MTHFD1L: variants seen among roughly 807,000 people sequenced by gnomAD.
MTHFD1L encodes the protein methylenetetrahydrofolate dehydrogenase (NADP+ dependent) 1 like.
Under a neutral mutation model 119.5 loss-of-function variants are expected in MTHFD1L, and 81 were observed. The ratio of observed to expected loss-of-function variants is 0.68; its 90% confidence interval spans 0.57 to 0.82. The LOEUF (loss-of-function observed/expected upper bound fraction) is 0.82. MTHFD1L is among the 40% of genes least tolerant of loss of function. The pLI, the probability that MTHFD1L is intolerant of heterozygous loss-of-function variation, is 0.00. For synonymous variants in MTHFD1L, 430 were observed against 475.2 expected (o/e 0.90, Z 1.24); for missense variants, 1,125 against 1,253.4 (o/e 0.90, Z 1.55).
At chr6:151,073,676 T>C (rs767054754) in intron 26 of MTHFD1L, among the ~76,000 whole-genome samples, 1 of 115,854 alleles carries the variant, frequency 8.6e-6, no homozygotes, top group Admixed American at 9.4e-5. Flanking sequence ...AAAACTGCAG[T>C]GCCTGAAATG....
chr6:150,927,719 A>C (rs1380928780), intron 11 of MTHFD1L, among the ~76,000 whole-genome samples: 2 of 152,010 alleles, frequency 1.3e-5, no homozygotes, highest in Non-Finnish European at 2.9e-5. Flanking sequence ...GGCATCCCAA[A>C]GTGCTGGGAT....
rs955485935 is a variant in MTHFD1L, at chr6:150,935,312, C to T, written c.1257-1492C>T. The stretch of plus-strand genomic sequence containing the variant: ...GATGGAAGAAGCCAAAACTGAACTT[C>T]ACAAAATAACTAGGATATCAGAAAA... On this transcript the variant is annotated intron_variant, in intron 11 of 27. Transcript: ENST00000367321. The T allele has an allele frequency of 5.0e-6, 8 of 1,612,000 alleles. No homozygotes were observed. In the African/African-American group the frequency reaches 1.1e-4, roughly 22 times the overall value.
At position 151,089,933 on chromosome 6, in the gene MTHFD1L, T is replaced by C. The variant is rs1397578973; in HGVS notation, c.2848-2534T>C. On this transcript the variant is annotated intron_variant, in intron 26 of 27. Transcript: ENST00000367321. ...AGTCCCCACCTACAAGCAGGTCTTA[T>C]GTCAAAAGTGTAGTTGCAGTTTATT... Among the ~76,000 whole-genome samples, 4 of 152,222 alleles carry C rather than the reference T, an allele frequency of 2.6e-5. No individual in the cohort carries two copies. In the East Asian group the frequency reaches 7.7e-4, roughly 29 times the overall value.
Position 151,078,249 on chromosome 6 carries a change from G to A in MTHFD1L, c.2848-14218G>A, listed in dbSNP as rs960948600. On this transcript the variant is annotated intron_variant, in intron 26 of 27. Transcript: ENST00000367321. ...GGAGGATTGCTTGAGCCCAGCCTGG[G>A]CAATGTACAGAGACCCCATGTCTAC... is the stretch of plus-strand genomic sequence containing the variant. Among the ~76,000 whole-genome samples, 4 of 151,948 alleles carry A rather than the reference G, an allele frequency of 2.6e-5. No individual in the cohort carries two copies. The South Asian group carries it at 8.3e-4, about 32-fold the overall frequency.
intron 10 of MTHFD1L, among the ~76,000 whole-genome samples, chr6:150,922,877 C>T (rs938435873): frequency 9.9e-5 from 15 of 152,104 alleles, no homozygotes; most frequent in Non-Finnish European, 2.9e-5. Flanking sequence ...CTCCTGACCT[C>T]AGGTGATCTG....
At chr6:151,017,775 A>T (rs1243390959) in intron 24 of MTHFD1L, among the ~76,000 whole-genome samples, 2 of 150,404 alleles carry the variant, frequency 1.3e-5, no homozygotes, top group East Asian at 3.9e-4. Flanking sequence ...CTGTATGAGC[A>T]TGCGTGTTTA....
intron 20 of MTHFD1L, among the ~76,000 whole-genome samples, chr6:150,979,726 C>A (rs1777166108): frequency 6.6e-6 from 1 of 152,090 alleles, no homozygotes. Context: ...TCTCAAATTC[C>A]TGACCTCAGG....
chr6:150,948,467 T>C (rs1794356484), intron 15 of MTHFD1L, among the ~76,000 whole-genome samples: 1 of 149,602 alleles, frequency 6.7e-6, no homozygotes, highest in African/African-American at 2.5e-5. Flanking sequence ...TTACAGGTGC[T>C]CTCCACCATA....
chr6:150,961,066 A>G (rs562671730), intron 18 of MTHFD1L, among the ~76,000 whole-genome samples: 11 of 147,996 alleles, frequency 7.4e-5, no homozygotes, highest in African/African-American at 2.2e-4. Flanking sequence ...TCTTTCTGGT[A>G]TAATAACAAC....
intron 26 of MTHFD1L, among the ~76,000 whole-genome samples, chr6:151,046,469 G>GTATA (rs1437936861): frequency 1.0e-4 from 12 of 116,846 alleles, no homozygotes; most frequent in African/African-American, 2.8e-4. Flanking sequence ...ATATGTGTGT[G>GTATA]TGTATATATA....
chr6:151,090,852 T>G (rs35656247), intron 26 of MTHFD1L, among the ~76,000 whole-genome samples: 1 of 119,928 alleles, frequency 8.3e-6, no homozygotes. Context: ...TCGCTCCATG[T>G]GACTGGGTGC....
chr6:150,934,727 AAC>A (rs1250681320), intron 11 of MTHFD1L, among the ~76,000 whole-genome samples: 1 of 152,210 alleles, frequency 6.6e-6, no homozygotes, highest in African/African-American at 2.4e-5. Context: ...GGCTGACAGT[AAC>A]TCATGGAAGA....
chr6:150,928,433 CAAAAAAAAAA>C (rs540059318), intron 11 of MTHFD1L, among the ~76,000 whole-genome samples: 2 of 70,946 alleles, frequency 2.8e-5, no homozygotes, highest in African/African-American at 1.0e-4. Flanking sequence ...AAGACTGTCT[CAAAAAAAAAA>C]AAAAAAAAAA....
intron 7 of MTHFD1L, among the ~76,000 whole-genome samples, chr6:150,893,998 C>T (rs1434140666): frequency 6.6e-6 from 1 of 152,118 alleles, no homozygotes; most frequent in Non-Finnish European, 1.5e-5. Flanking sequence ...AATCCCAGCA[C>T]TTTGGGAGGC....
chr6:150,888,758 A>G (rs903203977), intron 7 of MTHFD1L, among the ~76,000 whole-genome samples: 12 of 152,252 alleles, frequency 7.9e-5, no homozygotes, highest in South Asian at 2.1e-4. Flanking sequence ...AGTGTGAATT[A>G]TTATGCACTT....
intron 16 of MTHFD1L, among the ~76,000 whole-genome samples, chr6:150,950,777 C>G (rs915322800): frequency 2.6e-5 from 4 of 152,186 alleles, no homozygotes; most frequent in African/African-American, 9.7e-5. Flanking sequence ...TCAGTCGATT[C>G]TCTTGCCTCA....
At chr6:151,032,363 G>A (rs1785458050) in intron 24 of MTHFD1L, among the ~76,000 whole-genome samples, 1 of 152,204 alleles carries the variant, frequency 6.6e-6, no homozygotes, top group Non-Finnish European at 1.5e-5. Flanking sequence ...CATGGCAAGA[G>A]CGGGAGCAAG....
intron 9 of MTHFD1L, among the ~76,000 whole-genome samples, chr6:150,919,677 A>G (rs1046168434): frequency 3.3e-5 from 5 of 152,286 alleles, no homozygotes; most frequent in Admixed American, 2.0e-4. Context: ...ATGGTGCTAT[A>G]TACTTTTAAA....
chr6:150,960,207 G>A (rs191724468), intron 17 of MTHFD1L, 68 bp from the exon 18 acceptor site: 4 of 1,533,534 alleles, frequency 2.6e-6, no homozygotes, highest in Non-Finnish European at 3.5e-6. Flanking sequence ...CTGAAGTCCA[G>A]CTCCTTGTGG....
Sources: allele counts gnomAD v4.1 joint callset (sites outside exome capture counted in the v4.1 genomes callset), GRCh38; gene constraint gnomAD v4.1.1; transcripts MANE v1.5; gene names NCBI Gene and HGNC (gene_info 2026-07-23, HGNC 2026-07-21).